The following TCF7L2 variants were observed in gnomAD, a reference collection of about 807,000 sequenced individuals.
TCF7L2 encodes the protein transcription factor 7 like 2, also known as transcription factor 7-like 2.
Under a neutral mutation model 77.9 loss-of-function variants are expected in TCF7L2, and 23 were observed. That is an observed-to-expected ratio of 0.30 (90% CI 0.21 to 0.42). The LOEUF (loss-of-function observed/expected upper bound fraction) is 0.42. Among genes scored for constraint, TCF7L2 ranks in the 10% least tolerant of loss-of-function variants. TCF7L2 has a pLI of 1.00. For missense variants in TCF7L2, 654 were observed against 793.1 expected, an observed-to-expected ratio of 0.82 and a Z score of 2.11; for synonymous variants, 413 against 340.2, an observed-to-expected ratio of 1.21 and a Z score of -2.36.
At chr10:113,099,538 G>C (rs746991625) in intron 5 of TCF7L2, among the ~76,000 whole-genome samples, 3 of 152,190 alleles carry the variant, frequency 2.0e-5, no homozygotes, top group Non-Finnish European at 4.4e-5. Flanking sequence ...CTTCCTGGCT[G>C]TTGTTCAGAG....
At chr10:113,103,323 G>T (rs1383169098) in intron 5 of TCF7L2, among the ~76,000 whole-genome samples, 1 of 152,178 alleles carries the variant, frequency 6.6e-6, no homozygotes, top group Non-Finnish European at 1.5e-5. Context: ...ATTACCGGAA[G>T]TTGTGGCTTC....
At chr10:113,149,133 A>G (rs1165014118) in intron 8 of TCF7L2, among the ~76,000 whole-genome samples, 1 of 152,202 alleles carries the variant, frequency 6.6e-6, no homozygotes, top group East Asian at 1.9e-4. Flanking sequence ...GGCTTCCAAG[A>G]ACACATGTTC....
chr10:113,076,093 G>C (rs189213387), intron 5 of TCF7L2, among the ~76,000 whole-genome samples: 1 of 131,036 alleles, frequency 7.6e-6, no homozygotes, highest in South Asian at 2.5e-4. Context: ...CCGAAATCAC[G>C]CCACTGCACT....
At chr10:113,032,112 G>A (rs888577599) in intron 4 of TCF7L2, among the ~76,000 whole-genome samples, 3 of 152,188 alleles carry the variant, frequency 2.0e-5, no homozygotes, top group African/African-American at 4.8e-5. Context: ...TACTTTTCCT[G>A]GGAGTACGCA....
intron 4 of TCF7L2, among the ~76,000 whole-genome samples, chr10:113,008,867 C>T (rs902856020): frequency 6.6e-6 from 1 of 152,148 alleles, no homozygotes; most frequent in Non-Finnish European, 1.5e-5. Flanking sequence ...GGATTAGTTG[C>T]TCAACCCAGG....
At chr10:113,035,884 T>C (rs944472048) in intron 4 of TCF7L2, among the ~76,000 whole-genome samples, 1 of 152,198 alleles carries the variant, frequency 6.6e-6, no homozygotes, top group Non-Finnish European at 1.5e-5. Flanking sequence ...CGAGTAGTTA[T>C]GACAGAGATT....
chr10:112,951,081 T>C, intron 1 of TCF7L2, 126 bp from the exon 2 acceptor site: 1 of 1,312,348 alleles, frequency 7.6e-7, no homozygotes, highest in Non-Finnish European at 1.0e-6. Flanking sequence ...GTGCCACCAT[T>C]GCAAAAACTT....
chr10:113,021,584 G>A (rs1342047771), intron 4 of TCF7L2, among the ~76,000 whole-genome samples: 2 of 152,196 alleles, frequency 1.3e-5, no homozygotes, highest in Non-Finnish European at 2.9e-5. Flanking sequence ...TCTGAAAGTA[G>A]TTACCTCCCA....
At chr10:112,989,224 G>A (rs1215984078) in intron 4 of TCF7L2, among the ~76,000 whole-genome samples, 1 of 152,020 alleles carries the variant, frequency 6.6e-6, no homozygotes, top group Non-Finnish European at 1.5e-5. Context: ...TAGACCTGAA[G>A]CTGGGTTACT....
intron 4 of TCF7L2, among the ~76,000 whole-genome samples, chr10:113,027,190 G>A (rs2049333052): frequency 6.6e-6 from 1 of 152,130 alleles, no homozygotes; most frequent in Non-Finnish European, 1.5e-5. Flanking sequence ...TTTTGATAGG[G>A]CCATTTATAT....
intron 13 of TCF7L2, chr10:113,161,473 G>T (rs758194416): frequency 4.9e-5 from 61 of 1,241,554 alleles, no homozygotes; most frequent in Non-Finnish European, 6.7e-5. Flanking sequence ...GAAAGTGTAG[G>T]TACTTCCTTC....
At position 112,952,984 on chromosome 10, in the gene TCF7L2, C is replaced by T. The variant is rs573423415; in HGVS notation, c.381+1377C>T. On this transcript the variant is annotated intron_variant, in intron 3 of 13. Coordinates refer to ENST00000627217, the MANE Select transcript of TCF7L2 (RefSeq NM_001146274.2). ...ACACCTTCTCCAGTTTGGTCCCCTA[C>T]CCCTTATTTACACACACGACTTTTG... Among the ~76,000 whole-genome samples, 149 of 152,222 alleles carry T rather than the reference C, an allele frequency of 9.8e-4. 2 individuals carry two copies. The highest frequency in any genetic ancestry group is 3.4e-3 in the African/African-American group (140 of 41,518).
At chr10:113,124,257 A>G (rs2065239922) in intron 5 of TCF7L2, among the ~76,000 whole-genome samples, 1 of 152,206 alleles carries the variant, frequency 6.6e-6, no homozygotes, top group African/African-American at 2.4e-5. Context: ...CCCAGCATCG[A>G]AGGTCAGATT....
At position 113,037,375 on chromosome 10, in the gene TCF7L2, G is replaced by A. The variant is rs911403627; in HGVS notation, c.451-2650G>A. Among the ~76,000 whole-genome samples, 17 of 152,278 alleles carry A rather than the reference G, an allele frequency of 1.1e-4. No homozygotes were observed. In the South Asian group the frequency reaches 1.2e-3, roughly 11 times the overall value. ...CCTGCAAGTCAGCAGGACCAGGGCT[G>A]TCTTCCTGCACCATCTGGATTTGGT... On this transcript the variant is annotated intron_variant, in intron 4 of 13. Transcript: ENST00000627217.
chr10:113,018,543 G>C (rs972959701), intron 4 of TCF7L2, among the ~76,000 whole-genome samples: 1 of 149,244 alleles, frequency 6.7e-6, no homozygotes, highest in Admixed American at 6.8e-5. Flanking sequence ...TGCCTCCCAG[G>C]TTCAAGCAAT....
chr10:113,165,734 A>G lies in TCF7L2; in HGVS notation c.1571A>G (p.Asp524Gly), dbSNP rs1592551939. ...CCTCTGTCGCTGTCCCTGAAGCCCGACCCCCTGGCCCACCTGTCCATGATG... is the reference window on the plus strand; with the variant it reads ...CCTCTGTCGCTGTCCCTGAAGCCCGGCCCCCTGGCCCACCTGTCCATGATG... The change falls in exon 14 of 14, where the codon GAC (aspartate) becomes GGC (glycine). Residue 524 changes from aspartate (D) to glycine (G), a missense_variant. Asp to Gly is a moderately conservative substitution (Grantham distance 94). This residue lies in a region of TCF7L2 where 272 missense variants were observed against 215.4 expected (regional missense o/e 1.26). Coordinates refer to ENST00000627217, the MANE Select transcript of TCF7L2 (RefSeq NM_001146274.2). 6.2e-7 allele frequency: 1 copy of G among 1,600,506 alleles called. No homozygotes were observed. The highest frequency in any genetic ancestry group is 8.5e-7 in the Non-Finnish European group (1 of 1,176,006).
chr10:113,060,309 C>T (rs909629077), intron 5 of TCF7L2, among the ~76,000 whole-genome samples: 1 of 152,178 alleles, frequency 6.6e-6, no homozygotes, highest in Non-Finnish European at 1.5e-5. Context: ...AACAGCAAAG[C>T]CTGGTGTATT....
At chr10:113,157,400 C>T (rs1223175014) in intron 11 of TCF7L2, among the ~76,000 whole-genome samples, 4 of 152,222 alleles carry the variant, frequency 2.6e-5, no homozygotes, top group Admixed American at 1.3e-4. Flanking sequence ...TTATAGGCGT[C>T]AGCCACTGCT....
At chr10:113,057,344 T>A (rs2055571913) in intron 5 of TCF7L2, among the ~76,000 whole-genome samples, 1 of 152,226 alleles carries the variant, frequency 6.6e-6, no homozygotes, top group Non-Finnish European at 1.5e-5. Context: ...TAACTTTTTG[T>A]ATTTTTAGTA....
Sources: allele counts gnomAD v4.1 joint callset (sites outside exome capture counted in the v4.1 genomes callset), GRCh38; gene constraint gnomAD v4.1.1; regional missense constraint gnomAD v4.1.1; transcripts MANE v1.5; gene names NCBI Gene and HGNC (gene_info 2026-07-23, HGNC 2026-07-21).